GTPBP1: variants seen among roughly 807,000 people sequenced by gnomAD.
GTPBP1 encodes the protein GTP-binding protein 1.
In GTPBP1, 23 loss-of-function variants were observed where a neutral mutation model predicts 62.0. That is an observed-to-expected ratio of 0.37 (90% CI 0.27 to 0.53). GTPBP1 has a LOEUF of 0.53. Among genes scored for constraint, GTPBP1 ranks in the 20% least tolerant of loss-of-function variants. The pLI is 0.89. For missense variants in GTPBP1, 640 were observed against 917.3 expected (o/e 0.70, Z 3.90); for synonymous variants, 344 against 364.4 (o/e 0.94, Z 0.64).
chr22:38,737,833 A>C, downstream of GTPBP1: 1 of 504,182 alleles, frequency 2.0e-6, no homozygotes. This position sits in a 1 kb window ranked among gnomAD's most constrained non-coding sequence, Gnocchi z 4.1. Flanking sequence ...TGGCCATGGT[A>C]GAATGCCCGC....
At chr22:38,738,310 G>T, downstream of GTPBP1, 2 of 1,521,012 alleles carry the variant, frequency 1.3e-6, no homozygotes, top group Non-Finnish European at 1.8e-6. The surrounding 1 kb of genome is among the most constrained non-coding windows in gnomAD (Gnocchi z 6.6). Flanking sequence ...GGAGCAGGGA[G>T]AACACCCCTC....
chr22:38,715,621 A>T (rs1407606302), intron 2 of GTPBP1, among the ~76,000 whole-genome samples: 3 of 152,146 alleles, frequency 2.0e-5, no homozygotes, highest in Non-Finnish European at 4.4e-5. Flanking sequence ...GGGCACCTGT[A>T]GTCCTAGTAC....
At chr22:38,714,347 C>T (rs966179849) in intron 2 of GTPBP1, among the ~76,000 whole-genome samples, 3 of 152,200 alleles carry the variant, frequency 2.0e-5, no homozygotes, top group East Asian at 1.9e-4. Flanking sequence ...GGCATGATGG[C>T]GGGCGCCTGT....
At chr22:38,721,679 G>A in intron 4 of GTPBP1, 63 bp from the exon 5 acceptor site, 1 of 1,536,072 alleles carries the variant, frequency 6.5e-7, no homozygotes, top group Non-Finnish European at 8.9e-7. Context: ...TTGAGCCCCT[G>A]TGTCCACCCA....
intron 4 of GTPBP1, among the ~76,000 whole-genome samples, chr22:38,717,794 G>T (rs956810980): frequency 6.6e-6 from 1 of 152,178 alleles, no homozygotes; most frequent in Non-Finnish European, 1.5e-5. Flanking sequence ...GAGCGGCAAG[G>T]CCTGTAACCT....
Position 38,727,291 on chromosome 22 carries a change from G to A in GTPBP1, c.1480G>A (p.Ala494Thr). 3.1e-6 allele frequency: 5 copies of A among 1,601,166 alleles called. No homozygotes were observed. The highest frequency in any genetic ancestry group is 2.6e-6 in the Non-Finnish European group (3 of 1,173,570). Residue 494 changes from alanine to threonine, a missense_variant, in exon 9 of 12, where the codon GCC becomes ACC. Physicochemically the swap from Ala to Thr is moderately conservative, Grantham distance 58 (BLOSUM62 0). This residue lies in a region of GTPBP1 where 220 missense variants were observed against 358.1 expected (regional missense o/e 0.61). Coordinates refer to ENST00000216044, the MANE Select transcript of GTPBP1 (RefSeq NM_004286.5). The surrounding 1 kb of genome is among the most constrained non-coding windows in gnomAD (Gnocchi z 6.5). ...LNPQASWEFE[A>T]EILVLHHPTT... The stretch of plus-strand genomic sequence containing the variant: ...TCCCCAAGCCTCCTGGGAGTTTGAG[G>A]CCGAGATTCTCGTCCTCCACCACCC...
In GTPBP1 at chr22:38,727,847, G is replaced by A. The variant is rs931059756; in HGVS notation, c.1538-136G>A. The A allele has an allele frequency of 4.2e-5, 27 of 637,348 alleles. 1 individual carries two copies. Among genetic ancestry groups the A allele is most frequent in the Admixed American group, 1.3e-4 (5 of 39,350 alleles). The allele number at this position is 637,348 out of a possible 1,614,324, so 39.5% of individuals were successfully genotyped here. Reference sequence around the variant, plus strand: ...GATCAGAGCCAAGAACAGGCTTCACGGGGGTCTGTAGCCCCAGAGATAAGC... The same window carrying A: ...GATCAGAGCCAAGAACAGGCTTCACAGGGGTCTGTAGCCCCAGAGATAAGC... On this transcript the variant is annotated intron_variant, in intron 9 of 11. Coordinates refer to ENST00000216044, the MANE Select transcript of GTPBP1 (RefSeq NM_004286.5). The surrounding 1 kb of genome is among the most constrained non-coding windows in gnomAD (Gnocchi z 6.5).
chr22:38,739,191 G>A, downstream of GTPBP1: 1 of 968,396 alleles, frequency 1.0e-6, no homozygotes, highest in Non-Finnish European at 1.6e-6. The surrounding 1 kb of genome is among the most constrained non-coding windows in gnomAD (Gnocchi z 6.7). Flanking sequence ...TCCCTGAATT[G>A]CCACTTGCCT....
downstream of GTPBP1, among the ~76,000 whole-genome samples, chr22:38,742,115 G>A (rs950149343): frequency 1.3e-5 from 2 of 151,724 alleles, no homozygotes; most frequent in Non-Finnish European, 2.9e-5. Flanking sequence ...TGCACTCCAG[G>A]CTGGGTGACA....
downstream of GTPBP1, chr22:38,740,318 C>T: frequency 6.2e-7 from 1 of 1,603,882 alleles, no homozygotes; most frequent in Non-Finnish European, 8.5e-7. The surrounding 1 kb of genome is among the most constrained non-coding windows in gnomAD (Gnocchi z 4.8). Flanking sequence ...CTTCTTCCGC[C>T]ACCGAGCTCT....
At chr22:38,739,771 G>A (rs141362080), downstream of GTPBP1, 15 of 1,613,702 alleles carry the variant, frequency 9.3e-6, no homozygotes, top group East Asian at 3.3e-4. This position sits in a 1 kb window ranked among gnomAD's most constrained non-coding sequence, Gnocchi z 6.7. Flanking sequence ...CAGGCTCAGG[G>A]AGGCCGCGGC....
chr22:38,720,724 G>A (rs1206103964), intron 4 of GTPBP1, among the ~76,000 whole-genome samples: 1 of 152,164 alleles, frequency 6.6e-6, no homozygotes, highest in African/African-American at 2.4e-5. Flanking sequence ...GTTACTGGAA[G>A]GATAGTAATA....
rs528866288 is a variant in GTPBP1 at position 38,727,032 on chromosome 22, C to T, written c.1402-181C>T. ...ACCCCCAGTAGTAGTGTTGAGTCTT[C>T]CCATGGAGCACTGAGGGTGCTCGTG... On this transcript the variant is annotated intron_variant, in intron 8 of 11. Coordinates refer to ENST00000216044, the MANE Select transcript of GTPBP1 (RefSeq NM_004286.5). This position sits in a 1 kb window ranked among gnomAD's most constrained non-coding sequence, Gnocchi z 6.5. Among the ~76,000 whole-genome samples the T allele has an allele frequency of 5.9e-5, 9 of 152,236 alleles. No homozygotes were observed. The highest frequency in any genetic ancestry group is 2.2e-4 in the African/African-American group (9 of 41,528).
downstream of GTPBP1, chr22:38,735,820 A>T (rs1014375088): frequency 1.2e-5 from 2 of 165,482 alleles, no homozygotes; most frequent in African/African-American, 4.8e-5. Flanking sequence ...TCTGGAGCTA[A>T]GCACCCTCCT....
chr22:38,709,539 G>A (rs1245593781), intron 2 of GTPBP1, among the ~76,000 whole-genome samples: 2 of 152,156 alleles, frequency 1.3e-5, no homozygotes, highest in Admixed American at 1.3e-4. Context: ...ACAAAGCAAA[G>A]GAACTTCTTG....
intron 4 of GTPBP1, 130 bp downstream of exon 4, chr22:38,717,130 A>G (rs986460472): frequency 2.7e-5 from 17 of 620,564 alleles, no homozygotes; most frequent in Non-Finnish European, 4.3e-5. Context: ...GAGGCTGGCG[A>G]GTTTTGCAGG....
Position 38,730,746 on chromosome 22 carries a change from C to A in GTPBP1, c.*42C>A. Reference sequence around the variant, plus strand: ...CCCTCACCACCCAAGGGGTCATCATCTCTGGCCACCACTCCACCAGATGGG... The same window carrying A: ...CCCTCACCACCCAAGGGGTCATCATATCTGGCCACCACTCCACCAGATGGG... On this transcript the variant is annotated 3_prime_UTR_variant, in exon 12 of 12. Coordinates refer to ENST00000216044, the MANE Select transcript of GTPBP1 (RefSeq NM_004286.5). This position sits in a 1 kb window ranked among gnomAD's most constrained non-coding sequence, Gnocchi z 5.6. 9.3e-7 allele frequency: 1 copy of A among 1,073,046 alleles called. No homozygotes were observed. Among genetic ancestry groups the A allele is most frequent in the Admixed American group, 2.2e-5 (1 of 45,598 alleles). 66.5% of individuals were successfully genotyped at this position (1,073,046 alleles called of 1,614,324 possible).
At position 38,716,824 on chromosome 22, in the gene GTPBP1, A is replaced by C; in HGVS notation, c.658A>C (p.Ser220Arg). 1.9e-6 allele frequency: 3 copies of C among 1,614,236 alleles called. No individual in the cohort carries two copies. The highest frequency in any genetic ancestry group is 2.5e-6 in the Non-Finnish European group (3 of 1,180,030). ...GGGCAACGACATTCTGGGCTTTGAC[A>C]GTGAAGGCAATGTAGTGAACAAGCC... The part of the protein sequence containing the change: ...SVGNDILGFD[S>R]EGNVVNKPDS... The change falls in exon 4 of 12, where the codon AGT becomes CGT. Residue 220 changes from serine to arginine, a missense_variant. Physicochemically the swap from Ser to Arg is moderately radical, Grantham distance 110. Coordinates refer to ENST00000216044, the MANE Select transcript of GTPBP1 (RefSeq NM_004286.5). This position sits in a 1 kb window ranked among gnomAD's most constrained non-coding sequence, Gnocchi z 5.2.
chr22:38,741,355 C>T, downstream of GTPBP1: 2 of 885,680 alleles, frequency 2.3e-6, no homozygotes, highest in Non-Finnish European at 3.5e-6. Flanking sequence ...GGGGGTCAAA[C>T]AGAGAAGTCA....
Sources: allele counts gnomAD v4.1 joint callset (sites outside exome capture counted in the v4.1 genomes callset), GRCh38; gene constraint gnomAD v4.1.1; regional missense constraint gnomAD v4.1.1; non-coding constraint Gnocchi (gnomAD v3.1); transcripts MANE v1.5; gene names NCBI Gene and HGNC (gene_info 2026-07-23, HGNC 2026-07-21).